PTPRO: variants seen among roughly 807,000 people sequenced by gnomAD.
The protein encoded by PTPRO is protein tyrosine phosphatase receptor type O, also known as receptor-type tyrosine-protein phosphatase O.
A neutral mutation model predicts 145.2 loss-of-function variants in PTPRO; 62 were observed. The observed-to-expected ratio is 0.43, with a 90% CI of 0.35 to 0.53. PTPRO has a LOEUF of 0.53. Ranked by LOEUF, PTPRO falls within the 20% of genes least tolerant of loss-of-function variation. The pLI is 0.01. For synonymous variants in PTPRO, 565 were observed against 514.7 expected (o/e 1.10, Z -1.32); for missense variants, 1,345 against 1,482.7 (o/e 0.91, Z 1.53).
intron 15 of PTPRO, among the ~76,000 whole-genome samples, chr12:15,555,783 C>T (rs1943605751): frequency 6.6e-6 from 1 of 152,148 alleles, no homozygotes. Flanking sequence ...AAGAATAATG[C>T]TTCCATTTTC....
chr12:15,457,404 G>A (rs1591828368), intron 1 of PTPRO, among the ~76,000 whole-genome samples: 1 of 152,154 alleles, frequency 6.6e-6, no homozygotes. Flanking sequence ...GAATAATACA[G>A]CACATAACTG....
chr12:15,542,643 A>G (rs1943203569), intron 12 of PTPRO, among the ~76,000 whole-genome samples: 1 of 152,262 alleles, frequency 6.6e-6, no homozygotes, highest in Admixed American at 6.5e-5. Flanking sequence ...TAGTAGCCAC[A>G]TTAAAAATTA....
intron 24 of PTPRO, 69 bp from the exon 25 acceptor site, chr12:15,589,386 A>G (rs1041594469): frequency 1.2e-6 from 2 of 1,607,476 alleles, no homozygotes; most frequent in Non-Finnish European, 1.7e-6. Flanking sequence ...AAAGAAAAAA[A>G]AAAAAAGAGG....
chr12:15,570,325 T>C (rs1300591733), intron 19 of PTPRO, among the ~76,000 whole-genome samples: 1 of 152,046 alleles, frequency 6.6e-6, no homozygotes, highest in Non-Finnish European at 1.5e-5. Flanking sequence ...TTCTGTAGTT[T>C]TTTTTTTTTA....
chr12:15,512,349 A>G (rs1942459498), intron 7 of PTPRO, among the ~76,000 whole-genome samples: 2 of 151,596 alleles, frequency 1.3e-5, no homozygotes, highest in African/African-American at 4.9e-5. Flanking sequence ...TCCCAACCTC[A>G]GGTGATCTGC....
At chr12:15,460,069 T>C (rs1450439706) in intron 1 of PTPRO, among the ~76,000 whole-genome samples, 2 of 152,206 alleles carry the variant, frequency 1.3e-5, no homozygotes, top group Non-Finnish European at 2.9e-5. Context: ...AAATTACCTT[T>C]TCCATTCATT....
intron 9 of PTPRO, among the ~76,000 whole-genome samples, chr12:15,518,458 A>T (rs778838357): frequency 1.3e-5 from 2 of 152,208 alleles, no homozygotes; most frequent in Non-Finnish European, 2.9e-5. Flanking sequence ...TGTCTTGGGG[A>T]TTAACATTCA....
At position 15,522,785 on chromosome 12, in the gene PTPRO, C is replaced by T. The variant is rs1051529228; in HGVS notation, c.1892-2029C>T. 2.0e-5 allele frequency among the ~76,000 whole-genome samples: 3 copies of T among 152,210 alleles called. No homozygotes were observed. The East Asian group carries it at 5.8e-4, about 29-fold the overall frequency. Reference sequence around the variant, plus strand: ...ATAAACAAATAGTGACATCTTGTGGCCTTCCAGCAATATGCTAGGTTTTAA... The same window carrying T: ...ATAAACAAATAGTGACATCTTGTGGTCTTCCAGCAATATGCTAGGTTTTAA... On this transcript the variant is annotated intron_variant, in intron 10 of 26. Transcript: ENST00000281171.
At chr12:15,458,248 T>C (rs1941224062) in intron 1 of PTPRO, among the ~76,000 whole-genome samples, 1 of 152,134 alleles carries the variant, frequency 6.6e-6, no homozygotes, top group African/African-American at 2.4e-5. Flanking sequence ...ATTCCCTGTA[T>C]GTGATAAGTC....
intron 7 of PTPRO, among the ~76,000 whole-genome samples, chr12:15,511,985 T>C (rs1942450746): frequency 6.6e-6 from 1 of 152,248 alleles, no homozygotes; most frequent in African/African-American, 2.4e-5. Context: ...ATACTCCTTA[T>C]GCCCTTTATT....
chr12:15,565,342 C>T (rs1282764334), intron 17 of PTPRO: 3 of 321,754 alleles, frequency 9.3e-6, no homozygotes, highest in South Asian at 4.8e-5. Flanking sequence ...ATTTCTAGAA[C>T]TCAGTTTTTG....
chr12:15,581,304 T>C (rs1405718554), intron 22 of PTPRO, among the ~76,000 whole-genome samples: 4 of 148,342 alleles, frequency 2.7e-5, no homozygotes, highest in African/African-American at 7.4e-5. Context: ...CTTTCTTTTT[T>C]TTTTTTTTTT....
intron 4 of PTPRO, 44 bp from the exon 5 acceptor site, chr12:15,501,576 T>C (rs1942221817): frequency 2.0e-6 from 3 of 1,535,290 alleles, no homozygotes; most frequent in African/African-American, 2.7e-5. Flanking sequence ...TTCACTCTAA[T>C]TGAATTAAAA....
chr12:15,483,865 A>C (rs115305433), intron 1 of PTPRO, 109 bp from the exon 2 acceptor site: 2 of 1,177,182 alleles, frequency 1.7e-6, no homozygotes, highest in Non-Finnish European at 2.5e-6. Flanking sequence ...CCATAAACAT[A>C]ACTAATGTTT....
intron 1 of PTPRO, among the ~76,000 whole-genome samples, chr12:15,352,665 A>AAAG (rs1555147224): frequency 4.2e-5 from 4 of 95,018 alleles, no homozygotes; most frequent in Non-Finnish European, 5.7e-5. Context: ...AAAAAAAAAA[A>AAAG]AAAGAAAGAA....
intron 15 of PTPRO, among the ~76,000 whole-genome samples, chr12:15,556,838 A>G (rs879894129): frequency 4.6e-5 from 7 of 152,310 alleles, no homozygotes; most frequent in Admixed American, 2.0e-4. Context: ...AATAAATATT[A>G]TACCCCAAAT....
intron 18 of PTPRO, among the ~76,000 whole-genome samples, chr12:15,569,161 G>A (rs557099172): frequency 6.6e-6 from 1 of 152,042 alleles, no homozygotes; most frequent in African/African-American, 2.4e-5. Context: ...ATATACTACT[G>A]TACTGCTACA....
intron 16 of PTPRO, among the ~76,000 whole-genome samples, chr12:15,559,046 G>A (rs576244936): frequency 6.6e-6 from 1 of 152,236 alleles, no homozygotes; most frequent in Admixed American, 6.5e-5. Flanking sequence ...TTCATGCCTG[G>A]TTCACCCTTG....
At chr12:15,529,711 G>T (rs902968662) in intron 12 of PTPRO, among the ~76,000 whole-genome samples, 68 of 151,956 alleles carry the variant, frequency 4.5e-4, no homozygotes, top group African/African-American at 1.6e-3. Context: ...TAAGCCTTGT[G>T]GTAACCACAG....
Sources: allele counts gnomAD v4.1 joint callset (sites outside exome capture counted in the v4.1 genomes callset), GRCh38; gene constraint gnomAD v4.1.1; transcripts MANE v1.5; gene names NCBI Gene and HGNC (gene_info 2026-07-23, HGNC 2026-07-21).